LOC128462377: variants seen among roughly 807,000 people sequenced by gnomAD.
chr16:89,334,496 G>A, the LOC128462377 span, among the ~76,000 whole-genome samples: 1 of 152,076 alleles, frequency 6.6e-6, no homozygotes, highest in Non-Finnish European at 1.5e-5. Flanking sequence ...GTCCCACCAC[G>A]TCCAACTCCA....
At chr16:89,388,315 T>TTTTTTTTTTGG in the LOC128462377 span, among the ~76,000 whole-genome samples, 1 of 145,398 alleles carries the variant, frequency 6.9e-6, no homozygotes, top group Admixed American at 6.8e-5. Flanking sequence ...TTTTTTTTTT[T>TTTTTTTTTTGG]GAGACGGAGT....
chr16:89,341,838 G>A, the LOC128462377 span, among the ~76,000 whole-genome samples: 4 of 151,408 alleles, frequency 2.6e-5, no homozygotes, highest in African/African-American at 4.9e-5. Flanking sequence ...CACGGCCCAC[G>A]GCGGGAGTGC....
chr16:89,365,281 T>C, the LOC128462377 span, among the ~76,000 whole-genome samples: 1 of 152,214 alleles, frequency 6.6e-6, no homozygotes, highest in African/African-American at 2.4e-5. Context: ...TCTTATCACG[T>C]AGTCTAAACC....
the LOC128462377 span, among the ~76,000 whole-genome samples, chr16:89,358,783 C>T: frequency 6.6e-6 from 1 of 152,058 alleles, no homozygotes; most frequent in African/African-American, 2.4e-5. Context: ...CCCTGTGCCG[C>T]TAAAACCCAC....
the LOC128462377 span, among the ~76,000 whole-genome samples, chr16:89,381,354 A>AAAAAAAAAAAAAG: frequency 1.1e-4 from 14 of 125,338 alleles, no homozygotes; most frequent in African/African-American, 4.6e-4. Flanking sequence ...AAAAAAAAAA[A>AAAAAAAAAAAAAG]GGGGTGAGAA....
the LOC128462377 span, among the ~76,000 whole-genome samples, chr16:89,413,792 G>T: frequency 1.3e-5 from 2 of 152,146 alleles, no homozygotes; most frequent in East Asian, 3.8e-4. Context: ...GAGGGTGCCA[G>T]GGAGACTCTG....
At chr16:89,386,055 A>G in the LOC128462377 span, among the ~76,000 whole-genome samples, 1 of 152,188 alleles carries the variant, frequency 6.6e-6, no homozygotes, top group African/African-American at 2.4e-5. Context: ...ACTGGGTCCA[A>G]TTTGTCTGCA....
chr16:89,346,570 T>C, the LOC128462377 span, among the ~76,000 whole-genome samples: 2 of 152,170 alleles, frequency 1.3e-5, no homozygotes, highest in African/African-American at 4.8e-5. Context: ...GACAGTGCAG[T>C]TCAGATGGGA....
At chr16:89,414,601 T>TA in the LOC128462377 span, among the ~76,000 whole-genome samples, 16 of 152,230 alleles carry the variant, frequency 1.1e-4, no homozygotes, top group African/African-American at 3.9e-4. Context: ...TTACAGTAGA[T>TA]ACGACCGTGA....
the LOC128462377 span, among the ~76,000 whole-genome samples, chr16:89,351,805 G>A: frequency 6.6e-6 from 1 of 152,340 alleles, no homozygotes; most frequent in South Asian, 2.1e-4. Context: ...CAATGTTCTA[G>A]AACTGACAGT....
At chr16:89,320,900 A>G in the LOC128462377 span, among the ~76,000 whole-genome samples, 1 of 152,236 alleles carries the variant, frequency 6.6e-6, no homozygotes, top group Non-Finnish European at 1.5e-5. Flanking sequence ...GGCTCAAAAG[A>G]CAATCCTTCT....
At chr16:89,332,510 C>T in the LOC128462377 span, among the ~76,000 whole-genome samples, 1 of 152,250 alleles carries the variant, frequency 6.6e-6, no homozygotes, top group Non-Finnish European at 1.5e-5. Flanking sequence ...AGAAAACAGC[C>T]TCGTCTGCTC....
the LOC128462377 span, among the ~76,000 whole-genome samples, chr16:89,318,500 C>G: frequency 2.0e-5 from 3 of 152,246 alleles, no homozygotes; most frequent in Non-Finnish European, 2.9e-5. Flanking sequence ...GCAACTCGCT[C>G]CCCTGCATTT....
At chr16:89,409,317 C>T in the LOC128462377 span, among the ~76,000 whole-genome samples, 2 of 152,224 alleles carry the variant, frequency 1.3e-5, no homozygotes, top group African/African-American at 4.8e-5. Context: ...GGTTCTAGCA[C>T]TCCTAGCCAC....
chr16:89,372,374 C>T, the LOC128462377 span, among the ~76,000 whole-genome samples: 5 of 152,170 alleles, frequency 3.3e-5, no homozygotes, highest in South Asian at 4.1e-4. Flanking sequence ...GCCCGAGTCA[C>T]GGAGCCCCAT....
At chr16:89,329,344 G>A in the LOC128462377 span, among the ~76,000 whole-genome samples, 1 of 152,156 alleles carries the variant, frequency 6.6e-6, no homozygotes, top group Non-Finnish European at 1.5e-5. Flanking sequence ...GGGCACAAGG[G>A]ATGCTGCTAT....
At chr16:89,337,429 CTTT>C in the LOC128462377 span, among the ~76,000 whole-genome samples, 197 of 53,096 alleles carry the variant, frequency 3.7e-3, no homozygotes, top group South Asian at 0.026. Flanking sequence ...CTAAGCAATT[CTTT>C]TTTTTTTTTT....
chr16:89,389,304 C>T, the LOC128462377 span, among the ~76,000 whole-genome samples: 1 of 151,904 alleles, frequency 6.6e-6, no homozygotes, highest in Non-Finnish European at 1.5e-5. Context: ...GGATTACAGG[C>T]GTGAGCCACC....
At chr16:89,320,571 G>A in the LOC128462377 span, among the ~76,000 whole-genome samples, 1 of 152,182 alleles carries the variant, frequency 6.6e-6, no homozygotes, top group African/African-American at 2.4e-5. Context: ...CTGGCGGATG[G>A]CAACCGTCCC....
Sources: allele counts gnomAD v4.1 joint callset (sites outside exome capture counted in the v4.1 genomes callset), GRCh38; gene constraint gnomAD v4.1.1; transcripts MANE v1.5.